Variants in ADSS2 observed in about 807,000 individuals in gnomAD.
ADSS2 encodes adenylosuccinate synthase 2, also known as adenylosuccinate synthetase isozyme 2.
ADSS2 carries 30 observed loss-of-function variants against 60.0 expected under a neutral mutation model. The ratio of observed to expected loss-of-function variants is 0.50; its 90% CI spans 0.37 to 0.68. The LOEUF is 0.68. ADSS2 is among the 30% of genes least tolerant of loss of function. The pLI, the probability that ADSS2 is intolerant of heterozygous loss-of-function variation, is 0.00. For synonymous variants in ADSS2, 187 were observed against 193.1 expected (o/e 0.97, Z 0.26); for missense variants, 373 against 554.8 (o/e 0.67, Z 3.29).
At position 244,424,076 on chromosome 1, in the gene ADSS2, A is replaced by T. The variant is rs1481387419; in HGVS notation, c.474-16T>A. 1 of 1,600,662 alleles carries T rather than the reference A, an allele frequency of 6.2e-7. No homozygotes were observed. ...TGTACCCAAACTTAAAAACAAATCC[A>T]AACAAGCTTTAAGTCAGACAAGAAA... On this transcript the variant is annotated splice_polypyrimidine_tract_variant and intron_variant, in intron 5 of 12. Coordinates refer to ENST00000366535, the MANE Select transcript of ADSS2 (RefSeq NM_001126.5).
intron 4 of ADSS2, among the ~76,000 whole-genome samples, chr1:244,426,945 G>GT (rs1288674363): frequency 6.6e-6 from 1 of 152,098 alleles, no homozygotes; most frequent in East Asian, 1.9e-4. Context: ...GATGCTTTTG[G>GT]TTTTTTCTAC....
At chr1:244,450,479 T>A (rs903290696) in intron 1 of ADSS2, among the ~76,000 whole-genome samples, 14 of 152,358 alleles carry the variant, frequency 9.2e-5, no homozygotes, top group Non-Finnish European at 1.6e-4. Context: ...TTAACATACC[T>A]GTGATTTCAT....
intron 7 of ADSS2, among the ~76,000 whole-genome samples, chr1:244,422,504 A>G (rs539065492): frequency 2.0e-5 from 3 of 152,338 alleles, no homozygotes; most frequent in East Asian, 3.9e-4. Flanking sequence ...AATTGTTAGA[A>G]GTGATTTTTA....
intron 11 of ADSS2, among the ~76,000 whole-genome samples, chr1:244,412,968 G>A (rs1185091249): frequency 6.6e-6 from 1 of 152,100 alleles, no homozygotes; most frequent in Admixed American, 6.5e-5. Flanking sequence ...TCCCCCTCCT[G>A]GCCAGTAAAT....
intron 11 of ADSS2, among the ~76,000 whole-genome samples, chr1:244,415,174 T>C (rs1323698167): frequency 1.3e-5 from 2 of 152,240 alleles, no homozygotes; most frequent in Non-Finnish European, 2.9e-5. Context: ...CCTTGCCACA[T>C]GTCATTATAC....
chr1:244,432,457 A>G (rs1664967520), intron 4 of ADSS2, 88 bp downstream of exon 4: 24 of 1,002,582 alleles, frequency 2.4e-5, no homozygotes, highest in Admixed American at 1.0e-4. Context: ...AAATAAAAAT[A>G]AAAGACAAAA....
At chr1:244,438,300 G>T (rs1402409952) in intron 1 of ADSS2, among the ~76,000 whole-genome samples, 2 of 152,022 alleles carry the variant, frequency 1.3e-5, no homozygotes, top group South Asian at 4.1e-4. Context: ...GGTTATCCTT[G>T]GCCTCTGATT....
intron 12 of ADSS2, among the ~76,000 whole-genome samples, chr1:244,410,428 C>T (rs1022650534): frequency 6.6e-6 from 1 of 152,184 alleles, no homozygotes; most frequent in Non-Finnish European, 1.5e-5. Context: ...TAGATACAGC[C>T]ATACGTTGTT....
chr1:244,417,550 A>G, intron 10 of ADSS2, 78 bp downstream of exon 10: 1 of 1,527,330 alleles, frequency 6.5e-7, no homozygotes, highest in Non-Finnish European at 8.9e-7. Flanking sequence ...TTTCCTATTA[A>G]GGTACTCCAC....
chr1:244,437,122 G>A (rs757266266), intron 2 of ADSS2, among the ~76,000 whole-genome samples: 2 of 152,146 alleles, frequency 1.3e-5, no homozygotes, highest in Non-Finnish European at 2.9e-5. Context: ...GATTTTGAAG[G>A]AAACTAATTA....
intron 1 of ADSS2, among the ~76,000 whole-genome samples, chr1:244,448,014 A>G (rs1040843113): frequency 6.6e-6 from 1 of 152,210 alleles, no homozygotes; most frequent in African/African-American, 2.4e-5. Flanking sequence ...CAAGTATAGT[A>G]TAACAGACAT....
intron 9 of ADSS2, 80 bp downstream of exon 9, chr1:244,418,680 C>G (rs1010085198): frequency 7.2e-7 from 1 of 1,379,322 alleles, no homozygotes; most frequent in Non-Finnish European, 9.7e-7. Flanking sequence ...GTGAAAGGCA[C>G]AGGAGACAAT....
chr1:244,434,918 C>G (rs1485144512), intron 3 of ADSS2, among the ~76,000 whole-genome samples: 1 of 152,028 alleles, frequency 6.6e-6, no homozygotes, highest in Non-Finnish European at 1.5e-5. Context: ...TCTGTAATCC[C>G]AGCACCTTGG....
intron 2 of ADSS2, among the ~76,000 whole-genome samples, chr1:244,437,190 G>A (rs889788264): frequency 2.6e-5 from 4 of 152,136 alleles, no homozygotes; most frequent in East Asian, 1.9e-4. Flanking sequence ...TATCTTTCAA[G>A]TTGGGGAATC....
chr1:244,420,308 G>A lies in ADSS2; in HGVS notation c.664-12C>T. 1 of 1,588,780 alleles carries A rather than the reference G, an allele frequency of 6.3e-7. No homozygotes were observed. ...TTTTCCATATAACCCTATACACAAA[G>A]ACAAAAACCAATTTCCATGTATACT... On this transcript the variant is annotated splice_polypyrimidine_tract_variant and intron_variant, in intron 7 of 12. Coordinates refer to ENST00000366535, the MANE Select transcript of ADSS2 (RefSeq NM_001126.5).
chr1:244,420,099 A>C (rs1436016042), intron 8 of ADSS2, 71 bp downstream of exon 8: 2 of 1,466,254 alleles, frequency 1.4e-6, no homozygotes, highest in Non-Finnish European at 1.9e-6. Flanking sequence ...TAATGCTAAC[A>C]TTAATTATTT....
chr1:244,427,649 A>T (rs1054204809), intron 4 of ADSS2, among the ~76,000 whole-genome samples: 2 of 152,168 alleles, frequency 1.3e-5, no homozygotes, highest in Non-Finnish European at 2.9e-5. Context: ...TGCAAACAGT[A>T]ATCTTAAGGC....
chr1:244,430,304 T>C (rs1238307453), intron 4 of ADSS2, among the ~76,000 whole-genome samples: 1 of 152,216 alleles, frequency 6.6e-6, no homozygotes, highest in Admixed American at 6.5e-5. Flanking sequence ...ATGGAACTGT[T>C]AAGTGACAGA....
Position 244,423,708 on chromosome 1 carries a change from A to T in ADSS2, c.581+245T>A, listed in dbSNP as rs1664726566. Among the ~76,000 whole-genome samples, 4 of 152,172 alleles carry T rather than the reference A, an allele frequency of 2.6e-5. No homozygotes were observed. The South Asian group carries it at 8.3e-4, about 32-fold the overall frequency. ...AAACCATTCCATATTTCAATTCTTA[A>T]ATATAACTCTGGCTTTGTCTTCTTA... On this transcript the variant is annotated intron_variant, in intron 6 of 12. Coordinates refer to ENST00000366535, the MANE Select transcript of ADSS2 (RefSeq NM_001126.5).
Sources: gnomAD v4.1 joint callset for allele counts (sites outside exome capture counted in the v4.1 genomes callset) on GRCh38, gnomAD v4.1.1 for gene constraint, MANE v1.5 for transcripts, NCBI Gene and HGNC (gene_info 2026-07-23, HGNC 2026-07-21) for gene names.